The following NEGR1 variants were observed in gnomAD, a reference collection of about 807,000 sequenced individuals.
NEGR1 encodes IgLON family member 4.
In NEGR1, 10 loss-of-function variants were observed where a neutral mutation model predicts 40.9. The ratio of observed to expected loss-of-function variants is 0.24; its 90% CI spans 0.15 to 0.42. NEGR1 has a LOEUF of 0.42. Among genes scored for constraint, NEGR1 ranks in the 10% least tolerant of loss-of-function variants. The pLI, the probability that NEGR1 is intolerant of heterozygous loss-of-function variation, is 1.00. For synonymous variants in NEGR1, 185 were observed against 166.8 expected (o/e 1.11, Z -0.84); for missense variants, 352 against 438.9 (o/e 0.80, Z 1.77).
At chr1:71,737,947 G>C (rs891998822) in intron 3 of NEGR1, among the ~76,000 whole-genome samples, 1 of 152,056 alleles carries the variant, frequency 6.6e-6, no homozygotes, top group African/African-American at 2.4e-5. Context: ...TCTCTTCCCA[G>C]AGCCAGCACC....
At chr1:71,439,195 T>A (rs932369680) in intron 6 of NEGR1, among the ~76,000 whole-genome samples, 1 of 152,138 alleles carries the variant, frequency 6.6e-6, no homozygotes, top group African/African-American at 2.4e-5. Flanking sequence ...AGGGGTGTAA[T>A]AGATTCTGAA....
intron 6 of NEGR1, among the ~76,000 whole-genome samples, chr1:71,526,712 T>A (rs1384144003): frequency 6.6e-6 from 1 of 151,562 alleles, no homozygotes; most frequent in East Asian, 1.9e-4. Context: ...CCTGGCATTA[T>A]ATAATAACCT....
chr1:72,223,228 A>G (rs1654069065), intron 1 of NEGR1, among the ~76,000 whole-genome samples: 1 of 152,168 alleles, frequency 6.6e-6, no homozygotes, highest in Non-Finnish European at 1.5e-5. Flanking sequence ...TTTATGACCT[A>G]CAGATTCCAT....
chr1:71,697,882 G>T lies in NEGR1; in HGVS notation c.667+126C>A, dbSNP rs1463416924. 17 of 804,962 alleles carry T rather than the reference G, an allele frequency of 2.1e-5. No homozygotes were observed. In the East Asian group the frequency reaches 4.3e-4, roughly 21 times the overall value. 49.9% of individuals were successfully genotyped at this position (804,962 alleles called of 1,614,324 possible). A position where few individuals can be genotyped will look rare whatever the true frequency, so the allele number is the denominator to read the frequency against. On this transcript the variant is annotated intron_variant, in intron 4 of 6. Coordinates refer to ENST00000357731, the MANE Select transcript of NEGR1 (RefSeq NM_173808.3). ...ACATTTCAACATCTACACGTCTTCA[G>T]TGTTAGTAGGTGATTTTTACCAATA...
chr1:71,858,302 T>C (rs1306313735), intron 2 of NEGR1, among the ~76,000 whole-genome samples: 2 of 152,094 alleles, frequency 1.3e-5, no homozygotes, highest in East Asian at 1.9e-4. Context: ...CTGTATCATT[T>C]AGAATGCAGT....
chr1:72,191,734 G>T (rs1221410139), intron 1 of NEGR1, among the ~76,000 whole-genome samples: 1 of 151,574 alleles, frequency 6.6e-6, no homozygotes, highest in Non-Finnish European at 1.5e-5. Context: ...AAATGAGGCA[G>T]CAGGCAACCT....
chr1:71,577,621 G>A (rs1649005757), intron 6 of NEGR1, among the ~76,000 whole-genome samples: 1 of 152,126 alleles, frequency 6.6e-6, no homozygotes, highest in Non-Finnish European at 1.5e-5. Context: ...ATTTCAAAAT[G>A]TTATAATAGG....
At chr1:72,002,905 G>A (rs541898440) in intron 1 of NEGR1, among the ~76,000 whole-genome samples, 2 of 152,156 alleles carry the variant, frequency 1.3e-5, no homozygotes, top group East Asian at 1.9e-4. Context: ...AATAATTGCC[G>A]CTAATGGGTT....
intron 6 of NEGR1, among the ~76,000 whole-genome samples, chr1:71,499,553 A>T (rs559039637): frequency 6.7e-6 from 1 of 149,796 alleles, no homozygotes; most frequent in East Asian, 1.9e-4. Context: ...TATGCTGGGA[A>T]TTATTATAGG....
chr1:71,983,401 T>C (rs1385000992), intron 1 of NEGR1, among the ~76,000 whole-genome samples: 1 of 152,126 alleles, frequency 6.6e-6, no homozygotes, highest in African/African-American at 2.4e-5. Flanking sequence ...TTAAATAGCT[T>C]TTTATCTAGG....
In NEGR1 at chr1:71,403,530, T is replaced by C. The variant is rs1268295758; in HGVS notation, c.*3916A>G. 5.3e-6 allele frequency: 1 copy of C among 190,448 alleles called. No individual in the cohort carries two copies. Among genetic ancestry groups the C allele is most frequent in the Non-Finnish European group, 1.1e-5 (1 of 93,720 alleles). The allele number at this position is 190,448 out of a possible 1,614,324, so 11.8% of individuals were successfully genotyped here. A position where few individuals can be genotyped will look rare whatever the true frequency, so the allele number is the denominator to read the frequency against. On this transcript the variant is annotated 3_prime_UTR_variant, in exon 7 of 7. Transcript: ENST00000357731. ...ATGTAGTTCAGCTCATCAAACCTTTTAGGAATCAGCAACAGCAAGAAAGAA... is the reference window on the plus strand; with the variant it reads ...ATGTAGTTCAGCTCATCAAACCTTTCAGGAATCAGCAACAGCAAGAAAGAA...
chr1:71,438,864 C>A (rs1048462597), intron 6 of NEGR1, among the ~76,000 whole-genome samples: 1 of 152,104 alleles, frequency 6.6e-6, no homozygotes, highest in Non-Finnish European at 1.5e-5. Flanking sequence ...CCAGTGATGG[C>A]GTGGTGGAAA....
At chr1:71,927,435 A>T (rs1375102844) in intron 2 of NEGR1, among the ~76,000 whole-genome samples, 3 of 152,232 alleles carry the variant, frequency 2.0e-5, no homozygotes, top group South Asian at 2.1e-4. Flanking sequence ...TTTGTCTGTG[A>T]AGGTACATTT....
At chr1:72,065,729 T>TA (rs1647256812) in intron 1 of NEGR1, among the ~76,000 whole-genome samples, 1 of 152,122 alleles carries the variant, frequency 6.6e-6, no homozygotes, top group Non-Finnish European at 1.5e-5. Flanking sequence ...TTTATATACC[T>TA]AAAAATAGCA....
At chr1:71,752,297 C>T (rs1053184733) in intron 3 of NEGR1, among the ~76,000 whole-genome samples, 1 of 152,128 alleles carries the variant, frequency 6.6e-6, no homozygotes, top group Non-Finnish European at 1.5e-5. Flanking sequence ...TCTGCTCTTG[C>T]CACGTGAAAG....
chr1:71,459,138 T>A (rs375521766), intron 6 of NEGR1, among the ~76,000 whole-genome samples: 2 of 152,174 alleles, frequency 1.3e-5, no homozygotes, highest in East Asian at 3.9e-4. Flanking sequence ...TCCCCTACCA[T>A]CTTTTAGTCG....
intron 1 of NEGR1, among the ~76,000 whole-genome samples, chr1:72,220,269 T>C (rs980506093): frequency 2.6e-5 from 4 of 151,866 alleles, no homozygotes; most frequent in Non-Finnish European, 5.9e-5. Flanking sequence ...TCTCTCTCTC[T>C]CCCCCTTTTT....
At chr1:71,807,516 A>T (rs542706073) in intron 2 of NEGR1, among the ~76,000 whole-genome samples, 1 of 152,290 alleles carries the variant, frequency 6.6e-6, no homozygotes, top group East Asian at 1.9e-4. Flanking sequence ...AAATCTAATG[A>T]TTTAATGAAT....
intron 1 of NEGR1, among the ~76,000 whole-genome samples, chr1:72,031,698 G>T (rs550988637): frequency 7.9e-5 from 12 of 152,110 alleles, no homozygotes; most frequent in Non-Finnish European, 1.8e-4. Flanking sequence ...GAGGTCCAGA[G>T]AGATTCTAGT....
Sources: gnomAD v4.1 joint callset for allele counts (sites outside exome capture counted in the v4.1 genomes callset) on GRCh38, gnomAD v4.1.1 for gene constraint, MANE v1.5 for transcripts, NCBI Gene and HGNC (gene_info 2026-07-23, HGNC 2026-07-21) for gene names.